Variants in USP32 observed in about 807,000 individuals in gnomAD.
USP32 encodes ubiquitin specific peptidase 32, also known as ubiquitin carboxyl-terminal hydrolase 32.
A neutral mutation model predicts 204.8 loss-of-function variants in USP32; 59 were observed. The ratio of observed to expected loss-of-function variants is 0.29; its 90% CI spans 0.23 to 0.36. USP32 has a LOEUF of 0.36. Among genes scored for constraint, USP32 ranks in the 10% least tolerant of loss-of-function variants. USP32 has a pLI of 1.00. For missense variants in USP32, 1,160 were observed against 1,946.4 expected, an observed-to-expected ratio of 0.60 and a Z score of 7.60; for synonymous variants, 517 against 678.4, an observed-to-expected ratio of 0.76 and a Z score of 3.70.
chr17:60,211,116 G>T lies in USP32; in HGVS notation c.2321C>A (p.Thr774Lys). 1 of 1,607,928 alleles carries T rather than the reference G, an allele frequency of 6.2e-7. No homozygotes were observed. The highest frequency in any genetic ancestry group is 8.5e-7 in the Non-Finnish European group (1 of 1,177,056). The change falls in exon 21 of 34, where the codon ACA becomes AAA. Residue 774 changes from threonine to lysine, a missense_variant and splice_region_variant. Thr to Lys is a moderately conservative substitution (Grantham distance 78, BLOSUM62 -1). Transcript: ENST00000300896. ...ATGCCCCTTCATACCAATGGGATTT[G>T]TCCTAGAAGTTTGAGAGGAAAATTT... ...SGRHLYELNR[T>K]NPIGMKGHMA...
intron 2 of USP32, among the ~76,000 whole-genome samples, chr17:60,310,432 GGTTCA>G (rs2087826686): frequency 6.6e-6 from 1 of 152,208 alleles, no homozygotes; most frequent in African/African-American, 2.4e-5. Context: ...TGGGTGCGGT[GGTTCA>G]CGCCTGTAAT....
At chr17:60,360,334 GTATTTTTA>G (rs2089178162) in intron 1 of USP32, among the ~76,000 whole-genome samples, 3 of 151,738 alleles carry the variant, frequency 2.0e-5, no homozygotes, top group Non-Finnish European at 2.9e-5. Flanking sequence ...ATTATTTTTT[GTATTTTTA>G]CAAATACAAA....
intron 2 of USP32, among the ~76,000 whole-genome samples, chr17:60,317,782 G>T (rs2088018117): frequency 6.6e-6 from 1 of 152,032 alleles, no homozygotes; most frequent in Admixed American, 6.6e-5. Flanking sequence ...GGGCAACACA[G>T]TGAGACCAGC....
At chr17:60,225,718 C>T (rs1173358012) in intron 13 of USP32, among the ~76,000 whole-genome samples, 1 of 152,048 alleles carries the variant, frequency 6.6e-6, no homozygotes, top group Non-Finnish European at 1.5e-5. Context: ...CTTTGGGAGG[C>T]CGAGGCAGGC....
chr17:60,393,753 C>G (rs8068627), upstream of USP32, among the ~76,000 whole-genome samples: 318 of 151,460 alleles, frequency 2.1e-3, 1 homozygote, highest in African/African-American at 7.4e-3. Context: ...GGCGCGATCT[C>G]GACTCACCGC....
chr17:60,341,751 T>G (rs2088663482), intron 2 of USP32, among the ~76,000 whole-genome samples: 1 of 152,218 alleles, frequency 6.6e-6, no homozygotes, highest in Non-Finnish European at 1.5e-5. Flanking sequence ...TTCAGCTCCA[T>G]CAGGTCATTT....
intron 9 of USP32, among the ~76,000 whole-genome samples, chr17:60,259,903 T>G (rs1044416601): frequency 2.6e-5 from 4 of 152,242 alleles, no homozygotes; most frequent in African/African-American, 9.6e-5. Flanking sequence ...TTTAGAAGTT[T>G]GGTGATATTT....
At position 60,414,851 on chromosome 17, in the gene USP32, C is replaced by A. The variant is rs79506968; in HGVS notation, c.106+7395G>T. On this transcript the variant is annotated intron_variant, in intron 1 of 3. Transcript: ENST00000588898. The stretch of plus-strand genomic sequence containing the variant: ...CCAGATTTTTATTTTTCTTTTCTTT[C>A]TTTCTTTTTTTTTTTTTTAGATGGA... Among the ~76,000 whole-genome samples, 3 of 147,006 alleles carry A rather than the reference C, an allele frequency of 2.0e-5. No individual in the cohort carries two copies. In the South Asian group the frequency reaches 6.5e-4, roughly 32 times the overall value.
intron 2 of USP32, chr17:60,305,263 G>C (rs1386724080): frequency 1.3e-5 from 2 of 152,208 alleles, no homozygotes; most frequent in Non-Finnish European, 2.9e-5. Context: ...GCTTTCACTT[G>C]TGACAGAAAG....
At chr17:60,183,144 C>T in intron 31 of USP32, 21 bp downstream of exon 31, 1 of 1,578,116 alleles carries the variant, frequency 6.3e-7, no homozygotes, top group Non-Finnish European at 8.6e-7. Flanking sequence ...AAAGCACCTG[C>T]ATAAGGCCCC....
chr17:60,223,709 T>C, intron 13 of USP32, 123 bp from the exon 14 acceptor site: 1 of 741,990 alleles, frequency 1.3e-6, no homozygotes, highest in Non-Finnish European at 2.0e-6. Context: ...CAGATTAAGA[T>C]TCTGGTAATT....
At chr17:60,312,632 G>A (rs1295948801) in intron 2 of USP32, among the ~76,000 whole-genome samples, 1 of 151,866 alleles carries the variant, frequency 6.6e-6, no homozygotes, top group Non-Finnish European at 1.5e-5. Flanking sequence ...TGTAAAGATG[G>A]GATCTTACTA....
At chr17:60,306,036 G>C (rs2087713435) in intron 2 of USP32, among the ~76,000 whole-genome samples, 1 of 151,704 alleles carries the variant, frequency 6.6e-6, no homozygotes, top group Non-Finnish European at 1.5e-5. Flanking sequence ...TCAGAAAGCA[G>C]TATGCATCTA....
At chr17:60,391,402 G>A (rs2089830789) in intron 1 of USP32, among the ~76,000 whole-genome samples, 1 of 152,330 alleles carries the variant, frequency 6.6e-6, no homozygotes. Flanking sequence ...GGACTCCCCA[G>A]ATACGAAGGG....
chr17:60,270,433 T>G (rs2086695833), intron 6 of USP32, among the ~76,000 whole-genome samples: 1 of 152,170 alleles, frequency 6.6e-6, no homozygotes, highest in South Asian at 2.1e-4. Context: ...ATATAAGTTT[T>G]AAAAGGTGAG....
rs372392595 is a variant in USP32, at chr17:60,401,181, C to T, written c.106+21065G>A. Among the ~76,000 whole-genome samples, 126 of 148,834 alleles carry T rather than the reference C, an allele frequency of 8.5e-4. 1 individual carries two copies. Among genetic ancestry groups the T allele is most frequent in the African/African-American group, 2.8e-3 (114 of 40,420 alleles). ...TGTCTAAAAAAAAAAAAAGACCGGG[C>T]GCAATGGCTCACACCTGTAATCCCA... On this transcript the variant is annotated intron_variant, in intron 1 of 3. Transcript: ENST00000588898.
At chr17:60,301,501 G>T in intron 3 of USP32, 98 bp downstream of exon 3, 5 of 688,054 alleles carry the variant, frequency 7.3e-6, no homozygotes, top group Non-Finnish European at 6.8e-6. Flanking sequence ...ATCTTCTTTG[G>T]GAAAATGTCA....
intron 13 of USP32, among the ~76,000 whole-genome samples, chr17:60,225,134 G>A (rs73322925): frequency 0.044 from 6,756 of 152,222 alleles, 538 homozygotes; most frequent in African/African-American, 0.15. Context: ...ATAGCAATAG[G>A]GAAAGATGGG....
At chr17:60,351,324 T>C (rs2088941262) in intron 1 of USP32, among the ~76,000 whole-genome samples, 1 of 152,162 alleles carries the variant, frequency 6.6e-6, no homozygotes, top group Admixed American at 6.6e-5. Context: ...GCTGCCCAAG[T>C]AGCTGGGACT....
Sources: gnomAD v4.1 joint callset for allele counts (sites outside exome capture counted in the v4.1 genomes callset) on GRCh38, gnomAD v4.1.1 for gene constraint, MANE v1.5 for transcripts, NCBI Gene and HGNC (gene_info 2026-07-23, HGNC 2026-07-21) for gene names.